Variants in NKAIN2 observed in about 807,000 individuals in gnomAD.
NKAIN2 encodes the protein sodium/potassium transporting ATPase interacting 2, also known as sodium/potassium-transporting ATPase subunit beta-1-interacting protein 2.
NKAIN2 carries 14 observed loss-of-function variants against 32.6 expected under a neutral mutation model. The observed-to-expected ratio is 0.43, with a 90% CI of 0.28 to 0.67. The LOEUF is 0.67. Ranked by LOEUF, NKAIN2 falls within the 30% of genes least tolerant of loss-of-function variation. The pLI is 0.17. For missense variants in NKAIN2, 198 were observed against 258.3 expected, an observed-to-expected ratio of 0.77 and a Z score of 1.60; for synonymous variants, 80 against 87.2, an observed-to-expected ratio of 0.92 and a Z score of 0.46.
At chr6:124,793,678 TCAA>T (rs1383672185) in intron 5 of NKAIN2, among the ~76,000 whole-genome samples, 7 of 57,440 alleles carry the variant, frequency 1.2e-4, no homozygotes, top group Admixed American at 3.7e-4. Context: ...GACATACTGC[TCAA>T]AAAAAAAAAA....
At chr6:124,391,608 C>A (rs1371770868) in intron 3 of NKAIN2, among the ~76,000 whole-genome samples, 1 of 152,080 alleles carries the variant, frequency 6.6e-6, no homozygotes, top group Non-Finnish European at 1.5e-5. Flanking sequence ...GAGAGCTCTC[C>A]ATCAAGTAAA....
chr6:124,765,394 T>A (rs1359845356), intron 4 of NKAIN2, among the ~76,000 whole-genome samples: 1 of 152,200 alleles, frequency 6.6e-6, no homozygotes, highest in Non-Finnish European at 1.5e-5. Flanking sequence ...GAAGGAAATG[T>A]GTGTTTTGCT....
chr6:124,219,070 C>T (rs1159016011), intron 1 of NKAIN2, among the ~76,000 whole-genome samples: 2 of 152,058 alleles, frequency 1.3e-5, no homozygotes, highest in African/African-American at 4.8e-5. Flanking sequence ...ACCTCCCTCC[C>T]TCAACACGTG....
chr6:124,172,562 A>G (rs1265609654), intron 1 of NKAIN2, among the ~76,000 whole-genome samples: 1 of 152,188 alleles, frequency 6.6e-6, no homozygotes, highest in Non-Finnish European at 1.5e-5. Context: ...AAAAATCTGT[A>G]TATCATTCTT....
intron 1 of NKAIN2, among the ~76,000 whole-genome samples, chr6:123,824,107 T>C (rs1387517432): frequency 1.3e-5 from 2 of 152,152 alleles, no homozygotes; most frequent in East Asian, 3.9e-4. Context: ...TATTTTTCAT[T>C]TAGGAAGCAC....
At chr6:123,898,562 T>C (rs1359846211) in intron 1 of NKAIN2, among the ~76,000 whole-genome samples, 1 of 151,758 alleles carries the variant, frequency 6.6e-6, no homozygotes, top group Non-Finnish European at 1.5e-5. Flanking sequence ...TTTTTTTTTT[T>C]TTTTTTATTT....
At chr6:124,666,050 C>T (rs1238911662) in intron 4 of NKAIN2, among the ~76,000 whole-genome samples, 5 of 152,144 alleles carry the variant, frequency 3.3e-5, no homozygotes, top group Non-Finnish European at 7.4e-5. Context: ...GGGCTTCTTT[C>T]CCTGTTCCCA....
chr6:124,653,442 T>A, intron 3 of NKAIN2, among the ~76,000 whole-genome samples: 1 of 53,356 alleles, frequency 1.9e-5, no homozygotes, highest in Admixed American at 3.0e-4. Context: ...CACATCCACA[T>A]GCAAAAAAAA....
intron 3 of NKAIN2, among the ~76,000 whole-genome samples, chr6:124,478,285 T>TA (rs1046639351): frequency 4.6e-5 from 7 of 152,142 alleles, no homozygotes; most frequent in African/African-American, 1.7e-4. Context: ...CAATGCTGTT[T>TA]AAAAAAAGCA....
chr6:124,257,823 G>A (rs1794022597), intron 1 of NKAIN2, among the ~76,000 whole-genome samples: 1 of 143,700 alleles, frequency 7.0e-6, no homozygotes. Context: ...TTGTTGCCCA[G>A]GCTGGAGTAC....
At chr6:124,736,753 T>G (rs1856246) in intron 4 of NKAIN2, among the ~76,000 whole-genome samples, 63,521 of 151,628 alleles carry the variant, frequency 0.42, 13,549 homozygotes, top group Admixed American at 0.47. Context: ...AAAAAAGGAT[T>G]CCTTTCAAAA....
intron 1 of NKAIN2, among the ~76,000 whole-genome samples, chr6:124,154,545 G>T (rs940819835): frequency 6.6e-6 from 1 of 151,820 alleles, no homozygotes. Flanking sequence ...CTGCCACTTT[G>T]TGACTCTTTT....
At chr6:124,468,664 C>A (rs1016766232) in intron 3 of NKAIN2, among the ~76,000 whole-genome samples, 5 of 152,074 alleles carry the variant, frequency 3.3e-5, no homozygotes, top group Admixed American at 3.3e-4. Context: ...TATAATGGCT[C>A]TATTAATTAT....
intron 1 of NKAIN2, among the ~76,000 whole-genome samples, chr6:124,267,373 G>A (rs1388555341): frequency 6.6e-6 from 1 of 151,554 alleles, no homozygotes; most frequent in Non-Finnish European, 1.5e-5. Context: ...GCCAGGCACA[G>A]TGGCTCATGC....
At chr6:124,738,353 T>G (rs1205840484) in intron 4 of NKAIN2, among the ~76,000 whole-genome samples, 1 of 151,864 alleles carries the variant, frequency 6.6e-6, no homozygotes, top group Non-Finnish European at 1.5e-5. Flanking sequence ...AAATAACTTT[T>G]AAAATAATAT....
chr6:124,634,806 G>A (rs2114325732), intron 3 of NKAIN2, among the ~76,000 whole-genome samples: 1 of 151,948 alleles, frequency 6.6e-6, no homozygotes, highest in South Asian at 2.1e-4. Context: ...ATTCTCAAAA[G>A]CCAAAGAGAG....
At chr6:123,991,898 A>T (rs1265090411) in intron 1 of NKAIN2, among the ~76,000 whole-genome samples, 3 of 152,014 alleles carry the variant, frequency 2.0e-5, no homozygotes, top group Non-Finnish European at 4.4e-5. Flanking sequence ...ACATATATAT[A>T]TTTTAAGGAC....
chr6:124,759,031 T>C (rs1260631504), intron 4 of NKAIN2, among the ~76,000 whole-genome samples: 1 of 152,198 alleles, frequency 6.6e-6, no homozygotes, highest in Non-Finnish European at 1.5e-5. Flanking sequence ...CCTATTTCAC[T>C]TCCTTAACGC....
intron 5 of NKAIN2, among the ~76,000 whole-genome samples, chr6:124,806,746 T>C (rs976906242): frequency 7.9e-5 from 12 of 151,652 alleles, no homozygotes; most frequent in East Asian, 1.9e-4. Context: ...GGAAACCCAT[T>C]TCACATGCAG....
Sources: allele counts gnomAD v4.1 joint callset (sites outside exome capture counted in the v4.1 genomes callset), GRCh38; gene constraint gnomAD v4.1.1; transcripts MANE v1.5; gene names NCBI Gene and HGNC (gene_info 2026-07-23, HGNC 2026-07-21).